STRN3: variants seen among roughly 807,000 people sequenced by gnomAD.
STRN3 encodes the protein striatin 3.
A neutral mutation model predicts 95.6 loss-of-function variants in STRN3; 29 were observed. The observed-to-expected ratio is 0.30, with a 90% CI of 0.23 to 0.41. The LOEUF is 0.41. Among genes scored for constraint, STRN3 ranks in the 10% least tolerant of loss-of-function variants. The pLI is 1.00. For synonymous variants in STRN3, 331 were observed against 357.6 expected (o/e 0.93, Z 0.84); for missense variants, 890 against 972.1 (o/e 0.92, Z 1.12).
intron 5 of STRN3, among the ~76,000 whole-genome samples, chr14:30,939,434 A>G (rs1878985982): frequency 6.6e-6 from 1 of 152,164 alleles, no homozygotes; most frequent in African/African-American, 2.4e-5. Flanking sequence ...AAAGATTAGA[A>G]GAGTTGCTGA....
At chr14:31,020,406 T>A (rs1286214771) in intron 1 of STRN3, among the ~76,000 whole-genome samples, 3 of 151,752 alleles carry the variant, frequency 2.0e-5, no homozygotes, top group Non-Finnish European at 2.9e-5. Context: ...GACTGAGGCA[T>A]GAGAACTGCC....
At chr14:30,984,890 T>A (rs1297833421) in intron 1 of STRN3, among the ~76,000 whole-genome samples, 1 of 152,242 alleles carries the variant, frequency 6.6e-6, no homozygotes, top group African/African-American at 2.4e-5. Context: ...CCTTTAGAAG[T>A]AATACATACT....
rs79020847 is a variant in STRN3, at chr14:30,939,983, C to T, written c.717-3359G>A. 5.8e-3 allele frequency among the ~76,000 whole-genome samples: 882 copies of T among 151,774 alleles called. 3 individuals carry two copies. The highest frequency in any genetic ancestry group is 0.02 in the African/African-American group (843 of 41,378). ...TGTAAATCACATTACAATGACTCTA[C>T]TTCCTTTCTTTTATATATAGTTTTC... On this transcript the variant is annotated intron_variant, in intron 5 of 17. Coordinates refer to ENST00000357479, the MANE Select transcript of STRN3 (RefSeq NM_001083893.2).
chr14:30,965,836 T>C (rs1366576039), intron 1 of STRN3, among the ~76,000 whole-genome samples: 3 of 152,016 alleles, frequency 2.0e-5, no homozygotes, highest in Non-Finnish European at 4.4e-5. Flanking sequence ...TCCCAGTGCT[T>C]TGGGATGCTG....
chr14:30,902,437 T>C (rs1481955468), intron 16 of STRN3, 99 bp downstream of exon 16: 2 of 762,324 alleles, frequency 2.6e-6, no homozygotes, highest in African/African-American at 3.7e-5. Flanking sequence ...CATTTGGCAA[T>C]TTCGTATCTG....
intron 9 of STRN3, among the ~76,000 whole-genome samples, chr14:30,916,091 C>T (rs983186536): frequency 2.0e-5 from 3 of 152,138 alleles, no homozygotes; most frequent in Non-Finnish European, 4.4e-5. Context: ...ACTACCTCTG[C>T]TTTCCATATT....
intron 1 of STRN3, among the ~76,000 whole-genome samples, chr14:31,004,385 A>G (rs1882620794): frequency 6.6e-6 from 1 of 152,132 alleles, no homozygotes; most frequent in African/African-American, 2.4e-5. Context: ...GAATCACTTA[A>G]GCCATTGCAT....
At chr14:30,902,488 T>G (rs762312786) in intron 16 of STRN3, 48 bp downstream of exon 16, 1 of 1,289,852 alleles carries the variant, frequency 7.8e-7, no homozygotes, top group African/African-American at 1.5e-5. Context: ...TTTTTGATCA[T>G]CTCAAATTTA....
chr14:30,933,747 GAAGA>G (rs1878673815), intron 7 of STRN3, among the ~76,000 whole-genome samples: 3 of 152,144 alleles, frequency 2.0e-5, no homozygotes, highest in Non-Finnish European at 4.4e-5. Flanking sequence ...CCACTTAGAA[GAAGA>G]AAGAAGTGAA....
chr14:31,002,810 T>C (rs1017397067), intron 1 of STRN3, among the ~76,000 whole-genome samples: 4 of 151,920 alleles, frequency 2.6e-5, no homozygotes, highest in Non-Finnish European at 5.9e-5. Context: ...CAGAAAGTAG[T>C]AGAATGGTGG....
intron 16 of STRN3, among the ~76,000 whole-genome samples, chr14:30,897,001 G>A (rs912306783): frequency 2.0e-5 from 3 of 152,120 alleles, no homozygotes; most frequent in Admixed American, 1.3e-4. Flanking sequence ...TGATTCACTA[G>A]GCAGGCAATA....
intron 1 of STRN3, among the ~76,000 whole-genome samples, chr14:31,009,568 T>C (rs1218790971): frequency 6.6e-6 from 1 of 151,046 alleles, no homozygotes; most frequent in Non-Finnish European, 1.5e-5. Context: ...GCAGTGGTTG[T>C]TCCTGGAAAA....
chr14:30,960,696 C>G (rs1422642497), intron 1 of STRN3, among the ~76,000 whole-genome samples: 4 of 151,716 alleles, frequency 2.6e-5, no homozygotes, highest in Non-Finnish European at 5.9e-5. Context: ...GGTGAAACCC[C>G]GCCTCTACTA....
intron 1 of STRN3, among the ~76,000 whole-genome samples, chr14:31,000,994 T>A (rs148192108): frequency 1.1e-4 from 17 of 152,250 alleles, no homozygotes; most frequent in African/African-American, 3.9e-4. Flanking sequence ...GGTTCTATTG[T>A]CTCCGTTAAG....
intron 1 of STRN3, among the ~76,000 whole-genome samples, chr14:30,999,427 CAT>C (rs2139284910): frequency 6.6e-6 from 1 of 152,242 alleles, no homozygotes; most frequent in South Asian, 2.1e-4. Flanking sequence ...TAAAGGAAAA[CAT>C]ATGAGAATGA....
At chr14:30,997,152 G>C (rs541676336) in intron 1 of STRN3, among the ~76,000 whole-genome samples, 1 of 152,278 alleles carries the variant, frequency 6.6e-6, no homozygotes, top group South Asian at 2.1e-4. Flanking sequence ...TCAAAAGAAA[G>C]TTAAATTAAA....
rs575572151 is a variant in STRN3, at chr14:31,019,297, A to C, written c.282+6607T>G. Among the ~76,000 whole-genome samples the C allele has an allele frequency of 5.3e-5, 8 of 152,354 alleles. No homozygotes were observed. The South Asian group carries it at 1.7e-3, about 32-fold the overall frequency. On this transcript the variant is annotated intron_variant, in intron 1 of 17. Transcript: ENST00000357479. ...GCATTCCAGCCTGTGCAACATAGTGAGACCCTGTCTCTTAAAAATAAATAA... is the reference window on the plus strand; with the variant it reads ...GCATTCCAGCCTGTGCAACATAGTGCGACCCTGTCTCTTAAAAATAAATAA...
intron 1 of STRN3, among the ~76,000 whole-genome samples, chr14:30,964,026 C>T (rs1280901728): frequency 6.6e-6 from 1 of 152,022 alleles, no homozygotes; most frequent in South Asian, 2.1e-4. Context: ...CTGAGGCAGG[C>T]GGATCACTTG....
chr14:30,986,531 T>A (rs548946961), intron 1 of STRN3, among the ~76,000 whole-genome samples: 1 of 152,224 alleles, frequency 6.6e-6, no homozygotes, highest in Non-Finnish European at 1.5e-5. Context: ...ACCTTTTAGC[T>A]ACTAACACTA....
Sources: gnomAD v4.1 joint callset for allele counts (sites outside exome capture counted in the v4.1 genomes callset) on GRCh38, gnomAD v4.1.1 for gene constraint, MANE v1.5 for transcripts, NCBI Gene and HGNC (gene_info 2026-07-23, HGNC 2026-07-21) for gene names.